Variants in RNF149 observed in about 807,000 individuals in gnomAD.
RNF149 encodes E3 ubiquitin-protein ligase RNF149.
Under a neutral mutation model 39.0 loss-of-function variants are expected in RNF149, and 21 were observed. The ratio of observed to expected loss-of-function variants is 0.54; its 90% confidence interval spans 0.38 to 0.77. The LOEUF (loss-of-function observed/expected upper bound fraction) is 0.77, where lower values mean the gene tolerates loss of function less well. Among genes scored for constraint, RNF149 ranks in the 30% least tolerant of loss-of-function variants. The probability of loss-of-function intolerance (pLI) is 0.00; values close to 1 mark genes in which losing one functional copy is unlikely to be tolerated. For missense variants in RNF149, 493 were observed against 534.9 expected, an observed-to-expected ratio of 0.92 and a Z score of 0.77; for synonymous variants, 209 against 213.6, an observed-to-expected ratio of 0.98 and a Z score of 0.19.
At chr2:101,301,746 AAAT>A (rs370179612) in intron 1 of RNF149, among the ~76,000 whole-genome samples, 4 of 152,156 alleles carry the variant, frequency 2.6e-5, no homozygotes, top group African/African-American at 7.2e-5. Flanking sequence ...CACCTTGTCA[AAAT>A]AATAATAAAA....
Position 101,308,655 on chromosome 2 carries a change from G to A in RNF149, c.-67C>T. 7.4e-7 allele frequency: 1 copy of A among 1,353,744 alleles called. No individual in the cohort carries two copies. Among genetic ancestry groups the A allele is most frequent in the Non-Finnish European group, 9.7e-7 (1 of 1,035,918 alleles). The allele number at this position is 1,353,744 out of a possible 1,614,324, so 83.9% of individuals were successfully genotyped here. ...GCGAGTGCGGTGCAGTCGAAGAGCA[G>A]AGAGAAGCGGACACCCACCGCCGCC... On this transcript the variant is annotated 5_prime_UTR_variant, in exon 1 of 7. Coordinates refer to ENST00000295317, the MANE Select transcript of RNF149 (RefSeq NM_173647.4).
intron 1 of RNF149, among the ~76,000 whole-genome samples, chr2:101,305,724 G>GA (rs1573269286): frequency 2.0e-5 from 3 of 152,170 alleles, no homozygotes; most frequent in East Asian, 3.9e-4. Flanking sequence ...GGGAGGGAGA[G>GA]GGAGAGGAGG....
intron 3 of RNF149, 90 bp from the exon 4 acceptor site, chr2:101,289,145 A>G (rs1233290176): frequency 1.4e-6 from 1 of 740,626 alleles, no homozygotes; most frequent in African/African-American, 1.8e-5. Context: ...AACAATGACG[A>G]ATTCCCTTCT....
chr2:101,308,695 C>CG lies in RNF149; in HGVS notation c.-108dup, dbSNP rs1683791852. 2.8e-6 allele frequency: 3 copies of CG among 1,076,516 alleles called. No individual in the cohort carries two copies. Among genetic ancestry groups the CG allele is most frequent in the Non-Finnish European group, 3.8e-6 (3 of 790,984 alleles). 66.7% of individuals were successfully genotyped at this position (1,076,516 alleles called of 1,614,324 possible). A position where few individuals can be genotyped will look rare whatever the true frequency, so the allele number is the denominator to read the frequency against. ...CCACCGCCGCCCTGGAAGACTGAGGCGGGGTCGGGGCCGCTGCGCACGCGC... is the reference window on the plus strand; with the variant it reads ...CCACCGCCGCCCTGGAAGACTGAGGCGGGGGTCGGGGCCGCTGCGCACGCGC... On this transcript the variant is annotated 5_prime_UTR_variant, in exon 1 of 7. Coordinates refer to ENST00000295317, the MANE Select transcript of RNF149 (RefSeq NM_173647.4).
At chr2:101,277,780 TGAG>T (rs1214929096) in intron 6 of RNF149, among the ~76,000 whole-genome samples, 6 of 152,170 alleles carry the variant, frequency 3.9e-5, no homozygotes, top group African/African-American at 1.4e-4. Context: ...CTTCATCATA[TGAG>T]GAGTTTTCTA....
At chr2:101,308,049 C>T (rs1411010810) in intron 1 of RNF149, 80 bp downstream of exon 1, 1 of 1,505,312 alleles carries the variant, frequency 6.6e-7, no homozygotes, top group Non-Finnish European at 8.8e-7. Context: ...TCGCGGCCTG[C>T]GGTTCAGGGC....
At chr2:101,273,801 T>C (rs765217201), downstream of RNF149, among the ~76,000 whole-genome samples, 2 of 152,174 alleles carry the variant, frequency 1.3e-5, no homozygotes, top group African/African-American at 2.4e-5. Context: ...TTAATTTTCA[T>C]CTAAAAAAAC....
In RNF149 at chr2:101,282,030, G is replaced by C; in HGVS notation, c.988C>G (p.Pro330Ala). 6.2e-7 allele frequency: 1 copy of C among 1,613,880 alleles called. No individual in the cohort carries two copies. The highest frequency in any genetic ancestry group is 8.5e-7 in the Non-Finnish European group (1 of 1,179,922). Residue 330 changes from proline (P) to alanine (A), a missense_variant, in exon 6 of 7, where the codon CCT becomes GCT. Pro to Ala is a conservative substitution (Grantham distance 27). Coordinates refer to ENST00000295317, the MANE Select transcript of RNF149 (RefSeq NM_173647.4). ...CTTCCAGGAGGAGATTCTGGAGCAG[G>C]CATCTCCTGTACATCCCCAGGCTCT... Reference protein sequence around the residue: ...WGEPGDVQEMPAPESPPGRDP... With the variant: ...WGEPGDVQEMAAPESPPGRDP...
intron 1 of RNF149, among the ~76,000 whole-genome samples, chr2:101,305,312 T>A (rs1683613370): frequency 6.6e-6 from 1 of 152,190 alleles, no homozygotes; most frequent in South Asian, 2.1e-4. Context: ...AGTCACCTTG[T>A]GAATTAATTC....
In RNF149 at chr2:101,294,217, T is replaced by C. The variant is rs554667988; in HGVS notation, c.712-135A>G. ...GAAAGGCAAAGTCAAATGACTATAC[T>C]GAAAATAACTTTTAATGGCAAAACT... On this transcript the variant is annotated intron_variant, in intron 2 of 6. Transcript: ENST00000295317. 3.7e-5 allele frequency: 21 copies of C among 561,946 alleles called. No homozygotes were observed. In the African/African-American group the frequency reaches 4.1e-4, roughly 11 times the overall value. 34.8% of individuals were successfully genotyped at this position (561,946 alleles called of 1,614,324 possible).
Position 101,299,908 on chromosome 2 carries a change from C to T in RNF149, c.461-4727G>A, listed in dbSNP as rs1273060770. Among the ~76,000 whole-genome samples, 5 of 152,336 alleles carry T rather than the reference C, an allele frequency of 3.3e-5. No individual in the cohort carries two copies. In the South Asian group the frequency reaches 8.3e-4, roughly 25 times the overall value. Reference sequence around the variant, plus strand: ...CCCAGCTCCGAGGTAACGTCCCTTCCCCATCCGCCTTCATAGGATCACAGG... The same window carrying T: ...CCCAGCTCCGAGGTAACGTCCCTTCTCCATCCGCCTTCATAGGATCACAGG... On this transcript the variant is annotated intron_variant, in intron 1 of 6. Coordinates refer to ENST00000295317, the MANE Select transcript of RNF149 (RefSeq NM_173647.4).
Position 101,308,443 on chromosome 2 carries a change from G to T in RNF149, c.146C>A (p.Pro49Gln), listed in dbSNP as rs1367482690. ...GCTCCACACCGTCAGGTTGGTCTGC[G>T]GGTCCACGTACTCGATGTTTACCAC... Reference protein sequence around the residue: ...SAVVNIEYVDPQTNLTVWSVS... With the variant: ...SAVVNIEYVDQQTNLTVWSVS... The change falls in exon 1 of 7, where the codon CCG becomes CAG. Residue 49 changes from proline to glutamine, a missense_variant. By Grantham distance (76) the Pro-to-Gln change is moderately conservative (BLOSUM62 -1). Transcript: ENST00000295317. The T allele has an allele frequency of 6.2e-7, 1 of 1,611,588 alleles. No homozygotes were observed.
At position 101,294,533 on chromosome 2, in the gene RNF149, C is replaced by T. The variant is rs80104748; in HGVS notation, c.711+398G>A. 883 of 200,298 alleles carry T rather than the reference C, an allele frequency of 4.4e-3. 10 individuals carry two copies. Among genetic ancestry groups the T allele is most frequent in the African/African-American group, 0.02 (833 of 42,320 alleles). The allele number at this position is 200,298 out of a possible 1,614,324, so 12.4% of individuals were successfully genotyped here. A position where few individuals can be genotyped will look rare whatever the true frequency, so the allele number is the denominator to read the frequency against. On this transcript the variant is annotated intron_variant, in intron 2 of 6. Transcript: ENST00000295317. ...TTCCACAATGACAGAAATAAGTGGA[C>T]GCTCAAAAGGCCTGCCTTGGGAAGC... is the stretch of plus-strand genomic sequence containing the variant.
intron 4 of RNF149, among the ~76,000 whole-genome samples, chr2:101,287,331 T>C (rs1170110678): frequency 1.3e-5 from 2 of 151,158 alleles, no homozygotes; most frequent in East Asian, 3.9e-4. Context: ...CTCAAAAAAA[T>C]AAAAAAAACA....
intron 4 of RNF149, among the ~76,000 whole-genome samples, chr2:101,288,426 C>T (rs755190969): frequency 2.0e-5 from 3 of 151,664 alleles, no homozygotes; most frequent in Admixed American, 6.6e-5. Context: ...TCAGTAGAGA[C>T]GGGGTTTCAC....
chr2:101,282,477 A>C (rs1682630911), intron 5 of RNF149, among the ~76,000 whole-genome samples: 1 of 152,078 alleles, frequency 6.6e-6, no homozygotes, highest in African/African-American at 2.4e-5. Context: ...TTCAGACTGT[A>C]TTATTTTCTT....
chr2:101,276,961 A>G lies in RNF149; in HGVS notation c.*277T>C. On this transcript the variant is annotated 3_prime_UTR_variant, in exon 7 of 7. Coordinates refer to ENST00000295317, the MANE Select transcript of RNF149 (RefSeq NM_173647.4). ...TATTTAGAAACACCACCTGTCCTTT[A>G]TATTAGAGTACCTGCCCCAGTTGTC... The G allele has an allele frequency of 1.7e-6, 2 of 1,158,264 alleles. No individual in the cohort carries two copies. The highest frequency in any genetic ancestry group is 2.1e-6 in the Non-Finnish European group (2 of 931,174). 71.7% of individuals were successfully genotyped at this position (1,158,264 alleles called of 1,614,324 possible). A position where few individuals can be genotyped will look rare whatever the true frequency, so the allele number is the denominator to read the frequency against.
intron 1 of RNF149, among the ~76,000 whole-genome samples, chr2:101,304,165 G>A (rs967415642): frequency 6.6e-6 from 1 of 152,174 alleles, no homozygotes; most frequent in Non-Finnish European, 1.5e-5. Flanking sequence ...GGGAGGCCAA[G>A]ACAGGCAGAT....
At chr2:101,307,509 T>C (rs1036262887) in intron 1 of RNF149, among the ~76,000 whole-genome samples, 2 of 152,174 alleles carry the variant, frequency 1.3e-5, no homozygotes, top group Non-Finnish European at 2.9e-5. Context: ...AATACAGTAA[T>C]TTTAAAATTT....
Sources: allele counts gnomAD v4.1 joint callset (sites outside exome capture counted in the v4.1 genomes callset), GRCh38; gene constraint gnomAD v4.1.1; transcripts MANE v1.5; gene names NCBI Gene and HGNC (gene_info 2026-07-23, HGNC 2026-07-21).